The following CFL1 variants were observed in gnomAD, a reference collection of about 807,000 sequenced individuals.
The protein encoded by CFL1 is cofilin 1.
A neutral mutation model predicts 16.3 loss-of-function variants in CFL1; 2 were observed. The ratio of observed to expected loss-of-function variants is 0.12; its 90% CI spans 0.05 to 0.39. The LOEUF is 0.39. CFL1 is among the 10% of genes least tolerant of loss of function. The pLI is 0.99. For missense variants in CFL1, 75 were observed against 212.2 expected (o/e 0.35, Z 4.02); for synonymous variants, 111 against 84.4 (o/e 1.31, Z -1.73).
Position 65,858,050 on chromosome 11 carries a change from G to C in CFL1, c.3+47C>G, listed in dbSNP as rs558614679. 3.3e-6 allele frequency: 5 copies of C among 1,521,088 alleles called. No individual in the cohort carries two copies. The African/African-American group carries it at 4.3e-5, about 13-fold the overall frequency. The allele number at this position is 1,521,088 out of a possible 1,614,324, so 94.2% of individuals were successfully genotyped here. On this transcript the variant is annotated intron_variant, in intron 1 of 3. Coordinates refer to ENST00000308162, the MANE Select transcript of CFL1 (RefSeq NM_005507.3). ...CCCCAGTCGCTTCCCGCGCGCAGGC[G>C]ACCGACCCGCAGCCGCCTCCCTCAG...
intron 1 of CFL1, chr11:65,857,545 C>A: frequency 3.8e-6 from 1 of 260,214 alleles, no homozygotes; most frequent in Non-Finnish European, 8.4e-6. Flanking sequence ...CCAACCGGGA[C>A]CCCGTCTTCC....
intron 1 of CFL1, 154 bp downstream of exon 1, chr11:65,857,943 C>G (rs991699273): frequency 2.8e-6 from 2 of 710,334 alleles, no homozygotes; most frequent in Admixed American, 4.4e-5. Context: ...CGGGCGCGCA[C>G]GCGCATTCCG....
At chr11:65,857,495 A>G in intron 1 of CFL1, 1 of 380,124 alleles carries the variant, frequency 2.6e-6, no homozygotes, top group Non-Finnish European at 5.6e-6. Context: ...GCCCCCTCCA[A>G]GCCTTGCGGT....
At chr11:65,857,239 G>A (rs768236076) in intron 1 of CFL1, 6 of 263,434 alleles carry the variant, frequency 2.3e-5, no homozygotes, top group Admixed American at 5.0e-5. Context: ...CTCAGCCCTC[G>A]GGCCGTATAC....
chr11:65,855,809 T>C, intron 2 of CFL1, 79 bp from the exon 3 acceptor site: 1 of 1,505,646 alleles, frequency 6.6e-7, no homozygotes, highest in South Asian at 1.3e-5. Flanking sequence ...GGGCTGGCAG[T>C]GAGGAGTCTT....
Position 65,854,977 on chromosome 11 carries a change from C to G in CFL1, c.*359G>C. 1 of 301,818 alleles carries G rather than the reference C, an allele frequency of 3.3e-6. No individual in the cohort carries two copies. The highest frequency in any genetic ancestry group is 6.6e-6 in the Non-Finnish European group (1 of 152,620). 18.7% of individuals were successfully genotyped at this position (301,818 alleles called of 1,614,324 possible). ...AACTAAACAGACAAGCACAGAGTCA[C>G]TATTGCGGTTAGAAGTTGGCAGCAT... is the stretch of plus-strand genomic sequence containing the variant. On this transcript the variant is annotated 3_prime_UTR_variant, in exon 4 of 4. Transcript: ENST00000308162.
chr11:65,856,249 G>C lies in CFL1; in HGVS notation c.4-7C>G, dbSNP rs188109157. On this transcript the variant is annotated splice_region_variant and splice_polypyrimidine_tract_variant and intron_variant, in intron 1 of 3. Coordinates refer to ENST00000308162, the MANE Select transcript of CFL1 (RefSeq NM_005507.3). The stretch of plus-strand genomic sequence containing the variant: ...AGACAGCCACACCGGAGGCCTAGGA[G>C]ACATGCCACGTATACGTCAAGAAAA... 1 of 1,610,230 alleles carries C rather than the reference G, an allele frequency of 6.2e-7. No individual in the cohort carries two copies. Among genetic ancestry groups the C allele is most frequent in the Non-Finnish European group, 8.5e-7 (1 of 1,177,022 alleles).
chr11:65,857,492 C>T, intron 1 of CFL1: 1 of 384,548 alleles, frequency 2.6e-6, no homozygotes, highest in Non-Finnish European at 5.5e-6. Flanking sequence ...GATGCCCCCT[C>T]CAAGCCTTGC....
rs755596910 is a variant in CFL1 at position 65,855,650 on chromosome 11, T to C, written c.388+4A>G. 1.9e-5 allele frequency: 29 copies of C among 1,567,246 alleles called. 1 individual carries two copies. In the South Asian group the frequency reaches 3.5e-4, roughly 19 times the overall value. On this transcript the variant is annotated splice_donor_region_variant and intron_variant, in intron 3 of 3. Transcript: ENST00000308162. ...GGGCACTCAGCACCAATGCTGGCCC[T>C]TACCTGTCAGCTTCTTCTTGATGGC...
rs11550158 is a variant in CFL1, at chr11:65,856,041, C to T, written c.205G>A (p.Ala69Thr). Reference protein sequence around the residue: ...DVGQTVDDPYATFVKMLPDKD... With the variant: ...DVGQTVDDPYTTFVKMLPDKD... ...TCTGGCAGCATCTTGACAAAGGTGGCGTAGGGGTCGTCGACAGTCTGGCCC... is the reference window on the plus strand; with the variant it reads ...TCTGGCAGCATCTTGACAAAGGTGGTGTAGGGGTCGTCGACAGTCTGGCCC... Residue 69 changes from alanine to threonine, a missense_variant, in exon 2 of 4, where the codon GCC (alanine) becomes ACC (threonine). Physicochemically the swap from Ala to Thr is moderately conservative, Grantham distance 58. Coordinates refer to ENST00000308162, the MANE Select transcript of CFL1 (RefSeq NM_005507.3). 2.5e-6 allele frequency: 4 copies of T among 1,613,998 alleles called. No homozygotes were observed. The highest frequency in any genetic ancestry group is 1.7e-5 in the Admixed American group (1 of 59,994).
At position 65,856,156 on chromosome 11, in the gene CFL1, C is replaced by G. The variant is rs1226771039; in HGVS notation, c.90G>C (p.Lys30Asn). The G allele has an allele frequency of 6.2e-7, 1 of 1,614,234 alleles. No individual in the cohort carries two copies. Among genetic ancestry groups the G allele is most frequent in the Non-Finnish European group, 8.5e-7 (1 of 1,180,048 alleles). ...AGAAGAGCACCGCCTTCTTGCGCTTCTTCACCTCCTCTGGCGTTGAAGACT... is the reference window on the plus strand; with the variant it reads ...AGAAGAGCACCGCCTTCTTGCGCTTGTTCACCTCCTCTGGCGTTGAAGACT... ...VRKSSTPEEVKKRKKAVLFCL... is the reference protein window; with the variant it reads ...VRKSSTPEEVNKRKKAVLFCL... The change falls in exon 2 of 4, where the codon AAG becomes AAC. Residue 30 changes from lysine (K) to asparagine (N), a missense_variant. Lys to Asn is a moderately conservative substitution (Grantham distance 94). Coordinates refer to ENST00000308162, the MANE Select transcript of CFL1 (RefSeq NM_005507.3).
rs1859361171 is a variant in CFL1, at chr11:65,855,162, G to A, written c.*174C>T. ...AGGCCAGAACCGTCAAGGGATGGAG[G>A]GAGAAGGAAAATCCAGGGGGTGGGG... is the stretch of plus-strand genomic sequence containing the variant. On this transcript the variant is annotated 3_prime_UTR_variant, in exon 4 of 4. Coordinates refer to ENST00000308162, the MANE Select transcript of CFL1 (RefSeq NM_005507.3). 1.5e-5 allele frequency: 9 copies of A among 593,050 alleles called. 1 individual carries two copies. The highest frequency in any genetic ancestry group is 1.5e-5 in the Non-Finnish European group (5 of 330,410). 36.7% of individuals were successfully genotyped at this position (593,050 alleles called of 1,614,324 possible).
intron 1 of CFL1, chr11:65,857,228 T>C: frequency 4.0e-6 from 1 of 251,754 alleles, no homozygotes; most frequent in South Asian, 2.8e-5. Context: ...CCTTCGGTTT[T>C]CTCAGCCCTC....
In CFL1 at chr11:65,856,172, G is replaced by A. The variant is rs1276600978; in HGVS notation, c.74C>T (p.Thr25Met). The change falls in exon 2 of 4, where the codon ACG becomes ATG. Residue 25 changes from threonine (T) to methionine (M), a missense_variant. Thr to Met is a moderately conservative substitution (Grantham distance 81, BLOSUM62 -1). Transcript: ENST00000308162. ...CTTGCGCTTCTTCACCTCCTCTGGC[G>A]TTGAAGACTTACGCACCTTCATGTC... is the stretch of plus-strand genomic sequence containing the variant. ...FNDMKVRKSSTPEEVKKRKKA... is the reference protein window; with the variant it reads ...FNDMKVRKSSMPEEVKKRKKA... 2 of 1,614,016 alleles carry A rather than the reference G, an allele frequency of 1.2e-6. No homozygotes were observed. Among genetic ancestry groups the A allele is most frequent in the Non-Finnish European group, 1.7e-6 (2 of 1,180,040 alleles).
Position 65,856,208 on chromosome 11 carries a change from T to C in CFL1, c.38A>G (p.Lys13Arg). 6.2e-7 allele frequency: 1 copy of C among 1,614,074 alleles called. No homozygotes were observed. The change falls in exon 2 of 4, where the codon AAG (lysine) becomes AGG (arginine). Residue 13 changes from lysine to arginine, a missense_variant. Physicochemically the swap from Lys to Arg is conservative, Grantham distance 26. Transcript: ENST00000308162. ...ACGCACCTTCATGTCGTTGAACACC[T>C]TGATGACACCATCAGAGACAGCCAC... ...SGVAVSDGVI[K>R]VFNDMKVRKS...
At chr11:65,857,521 C>T (rs1031843945) in intron 1 of CFL1, 2 of 296,902 alleles carry the variant, frequency 6.7e-6, no homozygotes, top group Non-Finnish European at 1.5e-5. Flanking sequence ...GCCTTAATCG[C>T]AGGCACCCAC....
Position 65,854,753 on chromosome 11 carries a change from C to T in CFL1, c.*583G>A, listed in dbSNP as rs984674239. 4 of 153,162 alleles carry T rather than the reference C, an allele frequency of 2.6e-5. No homozygotes were observed. Among genetic ancestry groups the T allele is most frequent in the Non-Finnish European group, 5.8e-5 (4 of 68,774 alleles). 9.5% of individuals were successfully genotyped at this position (153,162 alleles called of 1,614,324 possible). ...AGATAGCACCATTATCCCAGTGCAC[C>T]CCCAATCCTGAAGTCTCCTGTGTCC... On this transcript the variant is annotated 3_prime_UTR_variant, in exon 4 of 4. Coordinates refer to ENST00000308162, the MANE Select transcript of CFL1 (RefSeq NM_005507.3).
In CFL1 at chr11:65,855,288, G is replaced by T. The variant is rs1439434358; in HGVS notation, c.*48C>A. 1.3e-6 allele frequency: 2 copies of T among 1,507,536 alleles called. No individual in the cohort carries two copies. The highest frequency in any genetic ancestry group is 1.8e-6 in the Non-Finnish European group (2 of 1,085,978). The allele number at this position is 1,507,536 out of a possible 1,614,324, so 93.4% of individuals were successfully genotyped here. On this transcript the variant is annotated 3_prime_UTR_variant, in exon 4 of 4. Coordinates refer to ENST00000308162, the MANE Select transcript of CFL1 (RefSeq NM_005507.3). ...AAGGGGGCAGCCTGCAACCCCCAAG[G>T]GCAGGTGTGGGGCTGCCAGATGCTC...
chr11:65,855,543 G>A (rs1591046543), intron 3 of CFL1, 95 bp from the exon 4 acceptor site: 2 of 1,553,094 alleles, frequency 1.3e-6, no homozygotes, highest in Admixed American at 1.7e-5. Flanking sequence ...CAGATGGAAG[G>A]AACAAGCAGG....
Sources: allele counts gnomAD v4.1 joint callset, GRCh38; gene constraint gnomAD v4.1.1; transcripts MANE v1.5; gene names NCBI Gene and HGNC (gene_info 2026-07-23, HGNC 2026-07-21).